RGS7BP: variants seen among roughly 807,000 people sequenced by gnomAD.
RGS7BP encodes the protein regulator of G protein signaling 7 binding protein.
RGS7BP carries 9 observed loss-of-function variants against 31.3 expected under a neutral mutation model. The ratio of observed to expected loss-of-function variants is 0.29; its 90% CI spans 0.17 to 0.50. RGS7BP has a LOEUF of 0.50. RGS7BP is among the 20% of genes least tolerant of loss of function. The pLI, the probability that RGS7BP is intolerant of heterozygous loss-of-function variation, is 0.98. For synonymous variants in RGS7BP, 115 were observed against 120.1 expected (o/e 0.96, Z 0.28); for missense variants, 274 against 322.0 (o/e 0.85, Z 1.14).
chr5:64,545,117 A>G (rs1443591818), intron 2 of RGS7BP, among the ~76,000 whole-genome samples: 1 of 151,948 alleles, frequency 6.6e-6, no homozygotes, highest in Non-Finnish European at 1.5e-5. Flanking sequence ...AAGAGGTTGC[A>G]GTGAGCTGAA....
In RGS7BP at chr5:64,506,042, T is replaced by C. The variant is rs560200071; in HGVS notation, c.-583T>C. On this transcript the variant is annotated 5_prime_UTR_variant, in exon 1 of 6. Coordinates refer to ENST00000334025, the MANE Select transcript of RGS7BP (RefSeq NM_001029875.3). The surrounding 1 kb of genome is among the most constrained non-coding windows in gnomAD (Gnocchi z 4.6). ...TCCCGCCACAGATTCATCTGGGATC[T>C]TCAAACAGACAAGCCCTTAGAGACG... Among the ~76,000 whole-genome samples, 3 of 152,260 alleles carry C rather than the reference T, an allele frequency of 2.0e-5. No individual in the cohort carries two copies. Among genetic ancestry groups the C allele is most frequent in the Admixed American group, 6.5e-5 (1 of 15,296 alleles).
chr5:64,527,362 C>T (rs997521290), intron 2 of RGS7BP, among the ~76,000 whole-genome samples: 3 of 152,066 alleles, frequency 2.0e-5, no homozygotes, highest in Non-Finnish European at 4.4e-5. Flanking sequence ...GAAGCGAGGA[C>T]ATGATATATT....
intron 2 of RGS7BP, among the ~76,000 whole-genome samples, chr5:64,520,249 TG>T (rs1430815101): frequency 6.6e-6 from 1 of 152,158 alleles, no homozygotes. Flanking sequence ...TTTCTTGGAC[TG>T]GCCACAGGAT....
intron 2 of RGS7BP, among the ~76,000 whole-genome samples, chr5:64,531,645 G>A (rs1176144998): frequency 2.0e-5 from 3 of 152,138 alleles, no homozygotes; most frequent in African/African-American, 7.2e-5. Flanking sequence ...CATTTATTAT[G>A]CACTTTTCTG....
chr5:64,607,875 G>A (rs1197429211), intron 5 of RGS7BP, among the ~76,000 whole-genome samples: 2 of 149,716 alleles, frequency 1.3e-5, no homozygotes, highest in Non-Finnish European at 1.5e-5. Context: ...TGGTTGGGGG[G>A]TTTACAATTT....
At chr5:64,544,475 G>C (rs1741600821) in intron 2 of RGS7BP, among the ~76,000 whole-genome samples, 1 of 150,364 alleles carries the variant, frequency 6.7e-6, no homozygotes, top group Non-Finnish European at 1.5e-5. Flanking sequence ...AGGAGTTTGA[G>C]ACCAGCCTGG....
chr5:64,598,300 G>C (rs1743128549), intron 4 of RGS7BP, 65 bp from the exon 5 acceptor site: 1 of 922,652 alleles, frequency 1.1e-6, no homozygotes, highest in African/African-American at 1.6e-5. Flanking sequence ...TCATATAACA[G>C]ATTGTTTGAG....
intron 2 of RGS7BP, among the ~76,000 whole-genome samples, chr5:64,542,300 C>T (rs1580413685): frequency 6.6e-6 from 1 of 152,194 alleles, no homozygotes; most frequent in Non-Finnish European, 1.5e-5. Context: ...CCTTGTCCTG[C>T]ATTAGGACAT....
intron 2 of RGS7BP, among the ~76,000 whole-genome samples, chr5:64,568,695 T>C (rs1456057940): frequency 2.0e-5 from 3 of 152,008 alleles, no homozygotes; most frequent in Non-Finnish European, 4.4e-5. Context: ...ACATTTAAGA[T>C]GAATAAAAGA....
At chr5:64,586,026 A>G (rs899734950) in intron 3 of RGS7BP, among the ~76,000 whole-genome samples, 1 of 152,188 alleles carries the variant, frequency 6.6e-6, no homozygotes, top group Non-Finnish European at 1.5e-5. Flanking sequence ...TTTTAAATGT[A>G]CAACAACTCC....
chr5:64,585,593 C>A (rs530332616), intron 3 of RGS7BP, among the ~76,000 whole-genome samples: 4 of 152,072 alleles, frequency 2.6e-5, no homozygotes, highest in Non-Finnish European at 4.4e-5. Flanking sequence ...CCTAAAGCTG[C>A]GAGTGCTCTA....
intron 2 of RGS7BP, among the ~76,000 whole-genome samples, chr5:64,512,692 A>G (rs947827195): frequency 2.4e-4 from 37 of 152,180 alleles, no homozygotes; most frequent in African/African-American, 8.4e-4. Context: ...AATCCATCAA[A>G]TATTTTCCAA....
intron 2 of RGS7BP, among the ~76,000 whole-genome samples, chr5:64,528,049 G>C (rs1011810979): frequency 1.3e-5 from 2 of 152,120 alleles, no homozygotes; most frequent in Middle Eastern, 3.2e-3. Flanking sequence ...TATTTATTAC[G>C]AAGATATATG....
At chr5:64,605,830 A>G (rs1172504231) in intron 5 of RGS7BP, among the ~76,000 whole-genome samples, 1 of 151,672 alleles carries the variant, frequency 6.6e-6, no homozygotes, top group African/African-American at 2.4e-5. Context: ...AGAGAGATAT[A>G]TAGTACACAT....
Position 64,609,314 on chromosome 5 carries a change from C to A in RGS7BP, c.*62C>A, listed in dbSNP as rs1743445177. 1.1e-6 allele frequency: 1 copy of A among 914,438 alleles called. No homozygotes were observed. The highest frequency in any genetic ancestry group is 1.8e-6 in the Non-Finnish European group (1 of 542,100). The allele number at this position is 914,438 out of a possible 1,614,324, so 56.6% of individuals were successfully genotyped here. A position where few individuals can be genotyped will look rare whatever the true frequency, so the allele number is the denominator to read the frequency against. On this transcript the variant is annotated 3_prime_UTR_variant, in exon 6 of 6. Transcript: ENST00000334025. ...AAAAAATCACAAAACCCGAGGACCT[C>A]CAGACAGCTGAACCACACAGTTATT...
intron 2 of RGS7BP, among the ~76,000 whole-genome samples, chr5:64,522,738 G>T (rs1194004724): frequency 2.0e-5 from 3 of 152,180 alleles, no homozygotes; most frequent in Admixed American, 6.5e-5. Flanking sequence ...ATCTGTTCAG[G>T]CTCAGAGTGG....
chr5:64,525,251 G>A (rs1749202556), intron 2 of RGS7BP, among the ~76,000 whole-genome samples: 1 of 152,174 alleles, frequency 6.6e-6, no homozygotes, highest in East Asian at 1.9e-4. Flanking sequence ...TGATAAAGGA[G>A]GGAGGTGTTC....
chr5:64,564,622 G>A (rs1056327073), intron 2 of RGS7BP, among the ~76,000 whole-genome samples: 1 of 152,052 alleles, frequency 6.6e-6, no homozygotes, highest in African/African-American at 2.4e-5. Flanking sequence ...TTTTATTGAG[G>A]AAATTCTACT....
chr5:64,523,257 C>A (rs994514034), intron 2 of RGS7BP, among the ~76,000 whole-genome samples: 14 of 152,132 alleles, frequency 9.2e-5, no homozygotes, highest in Non-Finnish European at 1.6e-4. Context: ...AGCCCGTGCC[C>A]CTGGATCTGA....
Sources: gnomAD v4.1 joint callset for allele counts (sites outside exome capture counted in the v4.1 genomes callset) on GRCh38, gnomAD v4.1.1 for gene constraint, Gnocchi (gnomAD v3.1) non-coding constraint, MANE v1.5 for transcripts, NCBI Gene and HGNC (gene_info 2026-07-23, HGNC 2026-07-21) for gene names.